Variants in FTL observed in about 807,000 individuals in gnomAD.
FTL encodes epididymis secretory sperm binding protein.
In FTL, 17 loss-of-function variants were observed where a neutral mutation model predicts 16.6. The observed-to-expected ratio is 1.02, with a 90% CI of 0.70 to 1.53. The LOEUF is 1.53. Among genes scored for constraint, FTL ranks in the 40% most tolerant of loss-of-function variants. FTL has a pLI of 0.00. For synonymous variants in FTL, 73 were observed against 89.9 expected (o/e 0.81, Z 1.06); for missense variants, 186 against 226.1 (o/e 0.82, Z 1.14).
Position 48,966,615 on chromosome 19 carries a change from T to C in FTL, c.408T>C (p.Asp136=). The C allele has an allele frequency of 6.2e-7, 1 of 1,613,716 alleles. No individual in the cohort carries two copies. Residue 136 remains aspartate (D), a synonymous_variant, in exon 4 of 4, where the codon GAT becomes GAC. Transcript: ENST00000331825. The part of the protein sequence containing the change: ...LCDFLETHFL[D]EEVKLIKKMG... ...ACTTCCTGGAGACTCACTTCCTAGA[T>C]GAGGAAGTGAAGCTTATCAAGAAGA...
At chr19:48,966,033 G>C (rs765321127) in intron 2 of FTL, 117 bp downstream of exon 2, 7 of 1,388,380 alleles carry the variant, frequency 5.0e-6, no homozygotes, top group African/African-American at 4.3e-5. Context: ...GGTCTTGTGA[G>C]CCCTCTTAAC....
chr19:48,966,032 AG>A (rs2038449697), intron 2 of FTL, 116 bp downstream of exon 2: 1 of 1,387,444 alleles, frequency 7.2e-7, no homozygotes, highest in Admixed American at 1.9e-5. Context: ...CGGTCTTGTG[AG>A]CCCTCTTAAC....
chr19:48,966,699 G>T lies in FTL; in HGVS notation c.492G>T (p.Glu164Asp), dbSNP rs770946603. Residue 164 changes from glutamate (E) to aspartate (D), a missense_variant, in exon 4 of 4, where the codon GAG becomes GAT. Physicochemically the swap from Glu to Asp is conservative, Grantham distance 45 (BLOSUM62 2). Transcript: ENST00000331825. ...GTGGCCCGGAGGCTGGGCTGGGCGA[G>T]TATCTCTTCGAAAGGCTCACTCTCA... ...RLGGPEAGLGEYLFERLTLKH... is the reference protein window; with the variant it reads ...RLGGPEAGLGDYLFERLTLKH... 15 of 1,613,518 alleles carry T rather than the reference G, an allele frequency of 9.3e-6. No homozygotes were observed. Among genetic ancestry groups the T allele is most frequent in the Non-Finnish European group, 1.3e-5 (15 of 1,180,018 alleles).
rs755310060 is a variant in FTL, at chr19:48,966,456, T to C, written c.375+50T>C. 5.0e-6 allele frequency: 8 copies of C among 1,614,000 alleles called. No homozygotes were observed. In the African/African-American group the frequency reaches 1.1e-4, roughly 22 times the overall value. On this transcript the variant is annotated intron_variant, in intron 3 of 3. Coordinates refer to ENST00000331825, the MANE Select transcript of FTL (RefSeq NM_000146.4). ...TACCCAACCATACCCCTCAAGCCTC[T>C]GCTCCCTTTGGGCAAATTTCCTTCA...
In FTL at chr19:48,965,413, C is replaced by A. The variant is rs1049447139; in HGVS notation, c.-95C>A. On this transcript the variant is annotated 5_prime_UTR_variant, in exon 1 of 4. Coordinates refer to ENST00000331825, the MANE Select transcript of FTL (RefSeq NM_000146.4). ...TCCGACCGCCCTCCGATTTCCTCTC[C>A]GCTTGCAACCTCCGGGACCATCTTC... is the stretch of plus-strand genomic sequence containing the variant. 5.9e-6 allele frequency: 5 copies of A among 844,662 alleles called. No individual in the cohort carries two copies. Among genetic ancestry groups the A allele is most frequent in the Non-Finnish European group, 1.0e-5 (5 of 494,840 alleles). The allele number at this position is 844,662 out of a possible 1,614,324, so 52.3% of individuals were successfully genotyped here. A position where few individuals can be genotyped will look rare whatever the true frequency, so the allele number is the denominator to read the frequency against.
At position 48,965,566 on chromosome 19, in the gene FTL, T is replaced by C. The variant is rs764523810; in HGVS notation, c.59T>C (p.Leu20Pro). ...GACGTGGAGGCAGCCGTCAACAGCC[T>C]GGTCAATTTGTACCTGCAGGCCTCC... Reference protein sequence around the residue: ...STDVEAAVNSLVNLYLQASYT... With the variant: ...STDVEAAVNSPVNLYLQASYT... Residue 20 changes from leucine (L) to proline (P), a missense_variant, in exon 1 of 4, where the codon CTG (leucine) becomes CCG (proline). By Grantham distance (98) the Leu-to-Pro change is moderately conservative. Transcript: ENST00000331825. 6.2e-7 allele frequency: 1 copy of C among 1,614,114 alleles called. No individual in the cohort carries two copies.
chr19:48,965,905 C>T lies in FTL; in HGVS notation c.238C>T (p.Gln80Ter). ...CCAGCGTGGCGGCCGCGCTCTCTTCCAGGACATCAAGGTAACTAGTGTGTG... is the reference window on the plus strand; with the variant it reads ...CCAGCGTGGCGGCCGCGCTCTCTTCTAGGACATCAAGGTAACTAGTGTGTG... ...QNQRGGRALF[Q>*]DIKKPAEDEW... Residue 80 changes from glutamine (Q) to a stop codon, truncating the protein, a stop_gained, in exon 2 of 4, where the codon CAG (glutamine) becomes TAG (stop). Coordinates refer to ENST00000331825, the MANE Select transcript of FTL (RefSeq NM_000146.4). LOFTEE classifies it high-confidence loss of function. The T allele has an allele frequency of 6.2e-7, 1 of 1,614,130 alleles. No individual in the cohort carries two copies. Among genetic ancestry groups the T allele is most frequent in the Non-Finnish European group, 8.5e-7 (1 of 1,179,984 alleles).
At chr19:48,965,970 G>T (rs1390295508) in intron 2 of FTL, 54 bp downstream of exon 2, 9 of 1,600,398 alleles carry the variant, frequency 5.6e-6, no homozygotes, top group East Asian at 2.3e-5. Context: ...TGCGCGCGAG[G>T]AGCCTTGATT....
At chr19:48,966,200 C>A in intron 2 of FTL, 81 bp from the exon 3 acceptor site, 1 of 1,594,736 alleles carries the variant, frequency 6.3e-7, no homozygotes, top group Non-Finnish European at 8.6e-7. Flanking sequence ...GGCCTCTGAC[C>A]CCCAACGACT....
In FTL at chr19:48,966,666, C is replaced by T. The variant is rs1161243437; in HGVS notation, c.459C>T (p.His153=). Residue 153 remains histidine, a synonymous_variant, in exon 4 of 4, where the codon CAC becomes CAT. Coordinates refer to ENST00000331825, the MANE Select transcript of FTL (RefSeq NM_000146.4). ...KKMGDHLTNL[H]RLGGPEAGLG... ...TGGGTGACCACCTGACCAACCTCCA[C>T]AGGCTGGGTGGCCCGGAGGCTGGGC... 6.2e-7 allele frequency: 1 copy of T among 1,613,868 alleles called. No individual in the cohort carries two copies. The highest frequency in any genetic ancestry group is 8.5e-7 in the Non-Finnish European group (1 of 1,179,936).
rs774740467 is a variant in FTL, at chr19:48,966,609, C to A, written c.402C>A (p.Phe134Leu). Residue 134 changes from phenylalanine to leucine, a missense_variant, in exon 4 of 4, where the codon TTC (phenylalanine) becomes TTA (leucine). By Grantham distance (22) the Phe-to-Leu change is conservative. Transcript: ENST00000331825. The stretch of plus-strand genomic sequence containing the variant: ...TCTGTGACTTCCTGGAGACTCACTT[C>A]CTAGATGAGGAAGTGAAGCTTATCA... ...PHLCDFLETH[F>L]LDEEVKLIKK... 6.2e-7 allele frequency: 1 copy of A among 1,614,132 alleles called. No homozygotes were observed. Among genetic ancestry groups the A allele is most frequent in the Non-Finnish European group, 8.5e-7 (1 of 1,180,012 alleles).
rs143148955 is a variant in FTL at position 48,965,656 on chromosome 19, C to A, written c.102+47C>A. On this transcript the variant is annotated intron_variant, in intron 1 of 3. Coordinates refer to ENST00000331825, the MANE Select transcript of FTL (RefSeq NM_000146.4). ...GGCCCTAATTTCCTCCAGCTGCGCA[C>A]CTCCGGCCCTCACTGCACGCGCCAG... 648 of 1,599,596 alleles carry A rather than the reference C, an allele frequency of 4.1e-4. 3 individuals are homozygous for A. In the African/African-American group the frequency reaches 7.9e-3, roughly 19 times the overall value.
Position 48,966,767 on chromosome 19 carries a change from C to T in FTL, c.*32C>T, listed in dbSNP as rs11553249. On this transcript the variant is annotated 3_prime_UTR_variant, in exon 4 of 4. Coordinates refer to ENST00000331825, the MANE Select transcript of FTL (RefSeq NM_000146.4). ...TCTGAGCCCAGCGACTTCTGAAGGG[C>T]CCCTTGCAAAGTAATAGGGCTTCTG... 2.2e-5 allele frequency: 36 copies of T among 1,610,746 alleles called. No individual in the cohort carries two copies. In the East Asian group the frequency reaches 7.8e-4, roughly 35 times the overall value.
At position 48,966,270 on chromosome 19, in the gene FTL, C is replaced by T. The variant is rs377282843; in HGVS notation, c.250-11C>T. 2.5e-6 allele frequency: 4 copies of T among 1,613,968 alleles called. No individual in the cohort carries two copies. Among genetic ancestry groups the T allele is most frequent in the Non-Finnish European group, 2.5e-6 (3 of 1,180,012 alleles). On this transcript the variant is annotated splice_polypyrimidine_tract_variant and intron_variant, in intron 2 of 3. Coordinates refer to ENST00000331825, the MANE Select transcript of FTL (RefSeq NM_000146.4). The stretch of plus-strand genomic sequence containing the variant: ...TGTGTGTATTCTGAGCCATTTCTCC[C>T]TTCTATATAGAAGCCAGCTGAAGAT...
At position 48,965,807 on chromosome 19, in the gene FTL, G is replaced by A. The variant is rs1366445313; in HGVS notation, c.140G>A (p.Gly47Asp). ...YFDRDDVALE[G>D]VSHFFRELAE... is the part of the protein sequence containing the mutation. Reference sequence around the variant, plus strand: ...GACCGCGATGATGTGGCTCTGGAAGGCGTGAGCCACTTCTTCCGCGAATTG... The same window carrying A: ...GACCGCGATGATGTGGCTCTGGAAGACGTGAGCCACTTCTTCCGCGAATTG... The change falls in exon 2 of 4, where the codon GGC becomes GAC. Residue 47 changes from glycine to aspartate, a missense_variant. Transcript: ENST00000331825. The A allele has an allele frequency of 2.5e-6, 4 of 1,614,032 alleles. No homozygotes were observed. Among genetic ancestry groups the A allele is most frequent in the Admixed American group, 1.7e-5 (1 of 59,994 alleles).
Position 48,966,576 on chromosome 19 carries a change from C to G in FTL, c.376-7C>G. On this transcript the variant is annotated splice_region_variant and splice_polypyrimidine_tract_variant and intron_variant, in intron 3 of 3. Transcript: ENST00000331825. ...TGGGTTTCTAATTTCTCCCTCTTCT[C>G]TCTCAGCTCTGTGACTTCCTGGAGA... The G allele has an allele frequency of 6.2e-7, 1 of 1,614,096 alleles. No individual in the cohort carries two copies. The highest frequency in any genetic ancestry group is 8.5e-7 in the Non-Finnish European group (1 of 1,179,966).
chr19:48,965,929 T>A lies in FTL; in HGVS notation c.249+13T>A. On this transcript the variant is annotated intron_variant, in intron 2 of 3. Coordinates refer to ENST00000331825, the MANE Select transcript of FTL (RefSeq NM_000146.4). ...CCAGGACATCAAGGTAACTAGTGTG[T>A]GGGTAATGGACTACATCTCCCAGCA... The A allele has an allele frequency of 6.2e-7, 1 of 1,613,870 alleles. No individual in the cohort carries two copies.
Position 48,965,897 on chromosome 19 carries a change from C to T in FTL, c.230C>T (p.Ala77Val). The change falls in exon 2 of 4, where the codon GCT (alanine) becomes GTT (valine). Residue 77 changes from alanine to valine, a missense_variant. Coordinates refer to ENST00000331825, the MANE Select transcript of FTL (RefSeq NM_000146.4). ...ATGCAAAACCAGCGTGGCGGCCGCG[C>T]TCTCTTCCAGGACATCAAGGTAACT... ...LKMQNQRGGR[A>V]LFQDIKKPAE... is the part of the protein sequence containing the mutation. The T allele has an allele frequency of 6.2e-7, 1 of 1,614,166 alleles. No homozygotes were observed.
chr19:48,966,163 C>T lies in FTL; in HGVS notation c.250-118C>T, dbSNP rs372819550. On this transcript the variant is annotated intron_variant, in intron 2 of 3. Coordinates refer to ENST00000331825, the MANE Select transcript of FTL (RefSeq NM_000146.4). ...GACAGGGTGCGGAGAGTGATAAATA[C>T]AAGCTGTCACATGTCTTTGTGGCCT... 78 of 1,452,874 alleles carry T rather than the reference C, an allele frequency of 5.4e-5. 1 individual carries two copies. Among genetic ancestry groups the T allele is most frequent in the East Asian group, 2.5e-4 (11 of 44,108 alleles). 90.0% of individuals were successfully genotyped at this position (1,452,874 alleles called of 1,614,324 possible).
Sources: gnomAD v4.1 joint callset for allele counts on GRCh38, gnomAD v4.1.1 for gene constraint, MANE v1.5 for transcripts, NCBI Gene and HGNC (gene_info 2026-07-23, HGNC 2026-07-21) for gene names.